Variants in CADPS observed in about 807,000 individuals in gnomAD.
CADPS encodes the protein calcium-dependent secretion activator 1.
CADPS carries 57 observed loss-of-function variants against 167.3 expected under a neutral mutation model. That is an observed-to-expected ratio of 0.34 (90% CI 0.28 to 0.42). The LOEUF (loss-of-function observed/expected upper bound fraction) is 0.42. Ranked by LOEUF, CADPS falls within the 20% of genes least tolerant of loss-of-function variation. The probability of loss-of-function intolerance (pLI) is 1.00; values close to 1 mark genes in which losing one functional copy is unlikely to be tolerated. For synonymous variants in CADPS, 676 were observed against 635.3 expected, an observed-to-expected ratio of 1.06 and a Z score of -0.96; for missense variants, 1,414 against 1,738.1, an observed-to-expected ratio of 0.81 and a Z score of 3.32.
rs866345868 is a variant in CADPS, at chr3:62,816,594, T to C, written c.442-50610A>G. Among the ~76,000 whole-genome samples the C allele has an allele frequency of 7.2e-5, 11 of 151,916 alleles. No individual in the cohort carries two copies. The Middle Eastern group carries it at 0.02, about 282-fold the overall frequency. ...TGGTAACTTTAAATATCTATGTATA[T>C]ATTTAAAGCAGCCATGGCTAAATGA... On this transcript the variant is annotated intron_variant, in intron 1 of 29. Transcript: ENST00000383710.
intron 1 of CADPS, among the ~76,000 whole-genome samples, chr3:62,872,699 T>C (rs1472896803): frequency 6.6e-6 from 1 of 152,140 alleles, no homozygotes; most frequent in East Asian, 1.9e-4. Context: ...GAAGTTTCTG[T>C]TTAGAAGAAC....
At chr3:62,599,288 G>T (rs1248095510) in intron 6 of CADPS, among the ~76,000 whole-genome samples, 1 of 151,380 alleles carries the variant, frequency 6.6e-6, no homozygotes, top group African/African-American at 2.4e-5. Context: ...TACTCACACT[G>T]TATGACTAGC....
chr3:62,643,885 A>G (rs1383497155), intron 6 of CADPS, among the ~76,000 whole-genome samples: 1 of 152,244 alleles, frequency 6.6e-6, no homozygotes, highest in Non-Finnish European at 1.5e-5. Context: ...CGATCAGACC[A>G]TTTGAGGAAT....
chr3:62,522,035 A>G (rs993844638), intron 13 of CADPS, among the ~76,000 whole-genome samples: 1 of 152,128 alleles, frequency 6.6e-6, no homozygotes, highest in East Asian at 1.9e-4. Flanking sequence ...CTGTCCTTAC[A>G]GGTCAGTAGT....
chr3:62,617,200 T>A (rs531241715), intron 6 of CADPS, among the ~76,000 whole-genome samples: 2 of 152,166 alleles, frequency 1.3e-5, no homozygotes, highest in South Asian at 4.1e-4. Context: ...TCAAGAAATG[T>A]CCCAAGTGAG....
At chr3:62,599,649 TATATA>T (rs1468056154) in intron 6 of CADPS, among the ~76,000 whole-genome samples, 1 of 67,458 alleles carries the variant, frequency 1.5e-5, no homozygotes, top group African/African-American at 6.2e-5. Flanking sequence ...TAATATATAA[TATATA>T]ATATAATATA....
chr3:62,712,985 AACC>A (rs2083705303), intron 3 of CADPS, among the ~76,000 whole-genome samples: 2 of 152,218 alleles, frequency 1.3e-5, no homozygotes, highest in Admixed American at 1.3e-4. Context: ...ATTCTAGAGT[AACC>A]ACATCAGGAC....
At chr3:62,662,137 A>G (rs1228497643) in intron 4 of CADPS, among the ~76,000 whole-genome samples, 177 bp downstream of exon 4, 1 of 152,142 alleles carries the variant, frequency 6.6e-6, no homozygotes, top group African/African-American at 2.4e-5. Context: ...TGCATGAGGT[A>G]TCTCTGGGAG....
chr3:62,715,373 C>CTACCTATCTATCTATCTATCTATCTAT (rs1554105668), intron 3 of CADPS, among the ~76,000 whole-genome samples: 3 of 134,608 alleles, frequency 2.2e-5, no homozygotes, highest in African/African-American at 8.6e-5. Context: ...TATCTATCTA[C>CTACCTATCTATCTATCTATCTATCTAT]CTATCTATCT....
At chr3:62,662,276 G>A in intron 4 of CADPS, 38 bp downstream of exon 4, 2 of 1,538,742 alleles carry the variant, frequency 1.3e-6, no homozygotes, top group Non-Finnish European at 1.8e-6. Context: ...GTGGGACTTT[G>A]GCCTGGACCC....
intron 3 of CADPS, among the ~76,000 whole-genome samples, chr3:62,705,720 T>C (rs1273739932): frequency 6.6e-6 from 1 of 152,170 alleles, no homozygotes; most frequent in Admixed American, 6.6e-5. Flanking sequence ...ACTGGCTTCC[T>C]TCTTCCTCAG....
chr3:62,424,632 C>T (rs2052245214), intron 28 of CADPS, among the ~76,000 whole-genome samples: 1 of 152,158 alleles, frequency 6.6e-6, no homozygotes, highest in African/African-American at 2.4e-5. Context: ...AAAACATTTA[C>T]AAAATTGTTT....
intron 28 of CADPS, among the ~76,000 whole-genome samples, chr3:62,406,479 C>G (rs1575597425): frequency 6.6e-6 from 1 of 152,204 alleles, no homozygotes; most frequent in South Asian, 2.1e-4. Flanking sequence ...TCAGATATGC[C>G]TTTTCCAGAG....
At chr3:62,652,998 T>G (rs1419759040) in intron 4 of CADPS, among the ~76,000 whole-genome samples, 1 of 152,178 alleles carries the variant, frequency 6.6e-6, no homozygotes, top group Non-Finnish European at 1.5e-5. Flanking sequence ...CCTTCCTACA[T>G]GAAGGCTGTC....
intron 17 of CADPS, among the ~76,000 whole-genome samples, chr3:62,511,032 G>A (rs370401563): frequency 1.4e-4 from 22 of 152,132 alleles, no homozygotes; most frequent in East Asian, 3.9e-4. Flanking sequence ...TCCTGCTAGC[G>A]TGATTTTTCT....
chr3:62,418,715 T>A (rs2050704211), intron 28 of CADPS, among the ~76,000 whole-genome samples: 1 of 151,890 alleles, frequency 6.6e-6, no homozygotes. Context: ...GCAAAAACCT[T>A]CAAAACCCTC....
At chr3:62,633,498 C>G (rs1168725802) in intron 6 of CADPS, among the ~76,000 whole-genome samples, 2 of 152,104 alleles carry the variant, frequency 1.3e-5, no homozygotes. Flanking sequence ...CTTCCCTCTC[C>G]CTGTGCTCCA....
intron 1 of CADPS, among the ~76,000 whole-genome samples, chr3:62,835,068 T>G (rs1513142): frequency 2.0e-5 from 3 of 152,036 alleles, no homozygotes; most frequent in Non-Finnish European, 4.4e-5. Flanking sequence ...TAATATAATT[T>G]AAATGGAAAA....
At chr3:62,676,092 T>C (rs1229057783) in intron 3 of CADPS, among the ~76,000 whole-genome samples, 1 of 152,132 alleles carries the variant, frequency 6.6e-6, no homozygotes, top group African/African-American at 2.4e-5. Context: ...TAAAAAGCAA[T>C]ACCAAATATA....
Sources: allele counts gnomAD v4.1 joint callset (sites outside exome capture counted in the v4.1 genomes callset), GRCh38; gene constraint gnomAD v4.1.1; transcripts MANE v1.5; gene names NCBI Gene and HGNC (gene_info 2026-07-23, HGNC 2026-07-21).